CNBD1: variants seen among roughly 807,000 people sequenced by gnomAD.
CNBD1 encodes cyclic nucleotide-binding domain-containing protein 1.
CNBD1 carries 71 observed loss-of-function variants against 54.4 expected under a neutral mutation model. That is an observed-to-expected ratio of 1.30 (90% CI 1.08 to 1.59). The LOEUF (loss-of-function observed/expected upper bound fraction) is 1.59. CNBD1 is among the 40% of genes most tolerant of loss of function. The pLI is 0.00. For synonymous variants in CNBD1, 182 were observed against 170.7 expected (o/e 1.07, Z -0.51); for missense variants, 659 against 518.0 (o/e 1.27, Z -2.64).
chr8:87,291,676 G>A (rs1038590684), intron 8 of CNBD1, among the ~76,000 whole-genome samples: 1 of 151,956 alleles, frequency 6.6e-6, no homozygotes, highest in African/African-American at 2.4e-5. Context: ...AGGGGACAAG[G>A]TCTCATTATA....
At chr8:87,276,388 G>C (rs925191590) in intron 6 of CNBD1, among the ~76,000 whole-genome samples, 1 of 151,660 alleles carries the variant, frequency 6.6e-6, no homozygotes, top group Non-Finnish European at 1.5e-5. Context: ...AGAAATTTTT[G>C]GTTTACTTTA....
intron 2 of CNBD1, among the ~76,000 whole-genome samples, chr8:87,405,944 G>A (rs1807644209): frequency 1.3e-5 from 2 of 152,068 alleles, no homozygotes; most frequent in South Asian, 2.1e-4. Context: ...CACTTAAATA[G>A]TATTCAGGGA....
At chr8:87,061,200 C>A (rs146498183) in intron 4 of CNBD1, among the ~76,000 whole-genome samples, 7 of 152,208 alleles carry the variant, frequency 4.6e-5, no homozygotes, top group African/African-American at 1.7e-4. Context: ...ACTCACCAAT[C>A]GGTGCTGGCT....
Position 87,212,225 on chromosome 8 carries a change from A to G in CNBD1, c.577+6087A>G, listed in dbSNP as rs11992063. Among the ~76,000 whole-genome samples, 1,352 of 152,304 alleles carry G rather than the reference A, an allele frequency of 8.9e-3. 20 individuals are homozygous for G. The highest frequency in any genetic ancestry group is 0.028 in the Middle Eastern group (8 of 288). On this transcript the variant is annotated intron_variant, in intron 5 of 10. Transcript: ENST00000518476. ...AACATTGTTGAAAGAAATTAAATAG[A>G]AAGTAATCCAATATTCATTGATCTA... is the stretch of plus-strand genomic sequence containing the variant.
At chr8:86,870,778 G>A (rs1019166605) in intron 1 of CNBD1, among the ~76,000 whole-genome samples, 1 of 152,052 alleles carries the variant, frequency 6.6e-6, no homozygotes, top group Non-Finnish European at 1.5e-5. Flanking sequence ...AGGGAAGTGG[G>A]TTGTATAATG....
intron 4 of CNBD1, among the ~76,000 whole-genome samples, chr8:86,957,912 T>C (rs1378672519): frequency 6.6e-6 from 1 of 152,236 alleles, no homozygotes; most frequent in Non-Finnish European, 1.5e-5. Context: ...GTTCTTTTAA[T>C]TGTGAAGTTA....
chr8:87,168,680 G>A (rs1813022089), intron 4 of CNBD1, among the ~76,000 whole-genome samples: 1 of 151,922 alleles, frequency 6.6e-6, no homozygotes, highest in Non-Finnish European at 1.5e-5. Context: ...GTGATAACAT[G>A]CAGTTTGTCT....
intron 4 of CNBD1, among the ~76,000 whole-genome samples, chr8:87,006,901 T>A (rs1217202256): frequency 1.3e-5 from 2 of 152,226 alleles, no homozygotes; most frequent in Non-Finnish European, 2.9e-5. Flanking sequence ...CATTGTACAA[T>A]AAAACTTCTT....
chr8:87,017,442 A>G (rs1293852867), intron 4 of CNBD1, among the ~76,000 whole-genome samples: 1 of 152,206 alleles, frequency 6.6e-6, no homozygotes. Context: ...GAGCTAGAGA[A>G]TTTCTACTTG....
intron 6 of CNBD1, among the ~76,000 whole-genome samples, chr8:87,258,266 G>A (rs551712011): frequency 1.3e-5 from 2 of 151,944 alleles, no homozygotes; most frequent in Non-Finnish European, 2.9e-5. Flanking sequence ...CATTCATTTA[G>A]CCAAAATGAT....
intron 8 of CNBD1, among the ~76,000 whole-genome samples, chr8:87,346,815 T>A (rs1586034200): frequency 6.6e-6 from 1 of 152,342 alleles, no homozygotes; most frequent in African/African-American, 2.4e-5. Context: ...ATTCCAAGCA[T>A]TCAGAGTCAC....
At chr8:87,208,022 T>A (rs951771797) in intron 5 of CNBD1, among the ~76,000 whole-genome samples, 4 of 152,204 alleles carry the variant, frequency 2.6e-5, no homozygotes, top group Non-Finnish European at 5.9e-5. Flanking sequence ...ACTAGGTGTC[T>A]GTCTCTCTCC....
intron 4 of CNBD1, among the ~76,000 whole-genome samples, chr8:87,129,174 AG>A: frequency 6.6e-6 from 1 of 150,454 alleles, no homozygotes; most frequent in Non-Finnish European, 1.5e-5. Context: ...GAATCATTCT[AG>A]TTTCACAGAG....
intron 4 of CNBD1, among the ~76,000 whole-genome samples, chr8:87,092,238 A>G (rs1021294061): frequency 6.6e-6 from 1 of 151,936 alleles, no homozygotes; most frequent in Non-Finnish European, 1.5e-5. Flanking sequence ...TGCTTGTCCC[A>G]TGTCTTTAGT....
chr8:87,061,797 T>G (rs975670187), intron 4 of CNBD1, among the ~76,000 whole-genome samples: 1 of 152,198 alleles, frequency 6.6e-6, no homozygotes, highest in African/African-American at 2.4e-5. Context: ...TTCCCCAATA[T>G]TAATAGTTAT....
intron 4 of CNBD1, among the ~76,000 whole-genome samples, chr8:87,111,191 T>C (rs1811654499): frequency 2.0e-5 from 3 of 152,226 alleles, no homozygotes; most frequent in Admixed American, 6.5e-5. Context: ...CAATAACCTT[T>C]ATACCACTGG....
chr8:87,225,554 G>C lies in CNBD1; in HGVS notation c.578-11365G>C, dbSNP rs369277616. Reference sequence around the variant, plus strand: ...TGCTGGATTACATTTATTGATTTGCGTATATTGAACCAGCCTTGTATCCCA... The same window carrying C: ...TGCTGGATTACATTTATTGATTTGCCTATATTGAACCAGCCTTGTATCCCA... On this transcript the variant is annotated intron_variant, in intron 5 of 10. Coordinates refer to ENST00000518476, the MANE Select transcript of CNBD1 (RefSeq NM_173538.3). 1.6e-4 allele frequency among the ~76,000 whole-genome samples: 24 copies of C among 151,052 alleles called. 1 individual carries two copies. The highest frequency in any genetic ancestry group is 5.8e-4 in the African/African-American group (24 of 41,212).
In CNBD1 at chr8:87,056,920, T is replaced by G. The variant is rs73693008; in HGVS notation, c.431+117166T>G. On this transcript the variant is annotated intron_variant, in intron 4 of 10. Coordinates refer to ENST00000518476, the MANE Select transcript of CNBD1 (RefSeq NM_173538.3). ...GGTAGGTGGAATTCTAAGAAAGCCC[T>G]CATGATCTGTCCTTTGTGTTACATC... 5.1e-3 allele frequency among the ~76,000 whole-genome samples: 775 copies of G among 152,336 alleles called. 12 individuals carry two copies. The highest frequency in any genetic ancestry group is 0.018 in the African/African-American group (736 of 41,588).
chr8:86,948,931 T>C (rs1186208835), intron 4 of CNBD1, among the ~76,000 whole-genome samples: 2 of 152,232 alleles, frequency 1.3e-5, no homozygotes, highest in Non-Finnish European at 2.9e-5. Context: ...TTGATTTTTG[T>C]ATATGGGGAG....
Sources: gnomAD v4.1 joint callset for allele counts (sites outside exome capture counted in the v4.1 genomes callset) on GRCh38, gnomAD v4.1.1 for gene constraint, MANE v1.5 for transcripts, NCBI Gene and HGNC (gene_info 2026-07-23, HGNC 2026-07-21) for gene names.